PXDNL: variants seen among roughly 807,000 people sequenced by gnomAD.
The protein encoded by PXDNL is peroxidasin like, also known as probable oxidoreductase PXDNL.
In PXDNL, 145 loss-of-function variants were observed where a neutral mutation model predicts 150.8. That is an observed-to-expected ratio of 0.96 (90% CI 0.84 to 1.10). PXDNL has a LOEUF of 1.10. PXDNL is among the 50% of genes least tolerant of loss of function. The probability of loss-of-function intolerance (pLI) is 0.00; values close to 1 mark genes in which losing one functional copy is unlikely to be tolerated. For synonymous variants in PXDNL, 757 were observed against 725.7 expected (o/e 1.04, Z -0.69); for missense variants, 2,087 against 1,873.9 (o/e 1.11, Z -2.10).
intron 17 of PXDNL, among the ~76,000 whole-genome samples, chr8:51,389,790 A>G (rs1807835371): frequency 6.6e-6 from 1 of 152,174 alleles, no homozygotes; most frequent in Non-Finnish European, 1.5e-5. Context: ...AGCTCATTTT[A>G]CTGAACTTAT....
chr8:51,601,103 T>C (rs1032502722), intron 2 of PXDNL, among the ~76,000 whole-genome samples: 1 of 150,710 alleles, frequency 6.6e-6, no homozygotes, highest in African/African-American at 2.4e-5. Flanking sequence ...ATAATTTTGA[T>C]TCTTTTAAAA....
intron 5 of PXDNL, 108 bp from the exon 6 acceptor site, chr8:51,483,822 CAG>C: frequency 1.5e-6 from 1 of 675,506 alleles, no homozygotes; most frequent in East Asian, 2.8e-5. Flanking sequence ...TGAAATATTT[CAG>C]TGAGAAAGGG....
chr8:51,624,256 G>A (rs1814319899), intron 2 of PXDNL, among the ~76,000 whole-genome samples: 1 of 152,116 alleles, frequency 6.6e-6, no homozygotes, highest in South Asian at 2.1e-4. Flanking sequence ...ACAGACCGGT[G>A]GTATTTACCT....
intron 12 of PXDNL, among the ~76,000 whole-genome samples, chr8:51,432,191 T>C (rs907834971): frequency 6.6e-6 from 1 of 152,210 alleles, no homozygotes; most frequent in African/African-American, 2.4e-5. Context: ...ACCTTCTCCC[T>C]GTGGATAATG....
Position 51,722,667 on chromosome 8 carries a change from A to T in PXDNL, c.165-67907T>A, listed in dbSNP as rs540838280. On this transcript the variant is annotated intron_variant, in intron 1 of 22. Transcript: ENST00000356297. ...TGCCCAGTGGCCAATCTTGTCTCCAACTGTCCCCAGCCAAACTCCTCTCAG... is the reference window on the plus strand; with the variant it reads ...TGCCCAGTGGCCAATCTTGTCTCCATCTGTCCCCAGCCAAACTCCTCTCAG... Among the ~76,000 whole-genome samples, 868 of 152,232 alleles carry T rather than the reference A, an allele frequency of 5.7e-3. 7 individuals carry two copies. Among genetic ancestry groups the T allele is most frequent in the Non-Finnish European group, 8.9e-3 (607 of 68,024 alleles).
chr8:51,588,317 A>C (rs7000152), intron 3 of PXDNL, among the ~76,000 whole-genome samples: 7,777 of 152,316 alleles, frequency 0.051, 465 homozygotes, highest in African/African-American at 0.15. Flanking sequence ...TTACTTGGCA[A>C]TGTTATTGAA....
At chr8:51,573,049 G>C (rs1812979950) in intron 3 of PXDNL, among the ~76,000 whole-genome samples, 1 of 151,972 alleles carries the variant, frequency 6.6e-6, no homozygotes, top group South Asian at 2.1e-4. Flanking sequence ...ATATCAATGA[G>C]TACAGATGAC....
chr8:51,414,163 A>G (rs1320509433), intron 14 of PXDNL, among the ~76,000 whole-genome samples: 1 of 151,990 alleles, frequency 6.6e-6, no homozygotes, highest in Non-Finnish European at 1.5e-5. Context: ...TGAAGTAACT[A>G]ATATAAGCTT....
At chr8:51,346,319 T>A (rs1806156473) in intron 19 of PXDNL, among the ~76,000 whole-genome samples, 1 of 152,168 alleles carries the variant, frequency 6.6e-6, no homozygotes, top group Non-Finnish European at 1.5e-5. Context: ...CTGAGTGGAA[T>A]GCTTGAAATT....
At chr8:51,486,769 TATATATATATATATATATATATA>T (rs1563433390) in intron 5 of PXDNL, among the ~76,000 whole-genome samples, 8 of 8,334 alleles carry the variant, frequency 9.6e-4, no homozygotes, top group Middle Eastern at 0.029. Context: ...TATATATATA[TATATATATATATATATATATATA>T]TATTTTTTTT....
intron 2 of PXDNL, among the ~76,000 whole-genome samples, chr8:51,650,774 T>C (rs1456546789): frequency 6.6e-6 from 1 of 152,204 alleles, no homozygotes; most frequent in Non-Finnish European, 1.5e-5. Context: ...ATGCATTTAG[T>C]TTTGAATTTG....
At chr8:51,495,485 T>A (rs2130258908) in intron 5 of PXDNL, among the ~76,000 whole-genome samples, 1 of 152,118 alleles carries the variant, frequency 6.6e-6, no homozygotes, top group East Asian at 1.9e-4. Context: ...AATCAATGAA[T>A]CCAGGAGCTG....
intron 20 of PXDNL, among the ~76,000 whole-genome samples, chr8:51,342,253 A>C (rs1806008593): frequency 6.6e-6 from 1 of 152,028 alleles, no homozygotes; most frequent in Admixed American, 6.5e-5. Context: ...GTAAAGTATA[A>C]GAGAAAAATC....
intron 1 of PXDNL, among the ~76,000 whole-genome samples, chr8:51,763,704 T>C (rs1266848605): frequency 6.6e-6 from 1 of 152,216 alleles, no homozygotes; most frequent in Non-Finnish European, 1.5e-5. Flanking sequence ...TTTTATACTT[T>C]TATGCTATTA....
At chr8:51,349,517 T>G (rs1331979564) in intron 19 of PXDNL, among the ~76,000 whole-genome samples, 1 of 152,232 alleles carries the variant, frequency 6.6e-6, no homozygotes, top group Admixed American at 6.5e-5. Context: ...TGGGTCTTAC[T>G]CCTCACATTC....
chr8:51,458,158 C>A (rs1809977688), intron 8 of PXDNL, among the ~76,000 whole-genome samples: 1 of 152,166 alleles, frequency 6.6e-6, no homozygotes, highest in South Asian at 2.1e-4. Context: ...TATGACTAAG[C>A]AATAAATAAC....
intron 1 of PXDNL, among the ~76,000 whole-genome samples, chr8:51,780,654 C>CT (rs71237240): frequency 0.029 from 2,169 of 75,162 alleles, 45 homozygotes; most frequent in Non-Finnish European, 0.037. Context: ...CTTTTCTTTT[C>CT]TTTTTTTTTT....
intron 5 of PXDNL, among the ~76,000 whole-genome samples, chr8:51,499,027 G>A (rs1320522699): frequency 1.3e-5 from 2 of 152,172 alleles, no homozygotes; most frequent in East Asian, 1.9e-4. Context: ...ATCTTCTGGT[G>A]CGTACATATG....
chr8:51,441,938 G>A (rs1011678154), intron 12 of PXDNL, among the ~76,000 whole-genome samples: 22 of 152,158 alleles, frequency 1.4e-4, no homozygotes, highest in African/African-American at 4.3e-4. Context: ...GGCTGGCCAC[G>A]CAGAGCACCC....
Sources: gnomAD v4.1 joint callset for allele counts (sites outside exome capture counted in the v4.1 genomes callset) on GRCh38, gnomAD v4.1.1 for gene constraint, MANE v1.5 for transcripts, NCBI Gene and HGNC (gene_info 2026-07-23, HGNC 2026-07-21) for gene names.